The following ZSCAN25 variants were observed in gnomAD, a reference collection of about 807,000 sequenced individuals.
The protein encoded by ZSCAN25 is zinc finger and SCAN domain-containing protein 25.
Under a neutral mutation model 38.7 loss-of-function variants are expected in ZSCAN25, and 27 were observed. That is an observed-to-expected ratio of 0.70 (90% confidence interval 0.51 to 0.96). ZSCAN25 has a LOEUF of 0.96. Among genes scored for constraint, ZSCAN25 ranks in the 40% least tolerant of loss-of-function variants. The pLI, the probability that ZSCAN25 is intolerant of heterozygous loss-of-function variation, is 0.00. For synonymous variants in ZSCAN25, 273 were observed against 277.7 expected (o/e 0.98, Z 0.17); for missense variants, 637 against 705.9 (o/e 0.90, Z 1.11).
the ZSCAN25 span, chr7:99,647,413 A>G: frequency 2.4e-6 from 2 of 835,430 alleles, no homozygotes; most frequent in Non-Finnish European, 2.9e-6. Flanking sequence ...AAGGAAAATG[A>G]ATAGTGCTTT....
rs1364501319 is a variant in ZSCAN25, at chr7:99,621,483, C to T, written c.498C>T (p.Pro166=). 2 of 1,579,130 alleles carry T rather than the reference C, an allele frequency of 1.3e-6. No individual in the cohort carries two copies. The highest frequency in any genetic ancestry group is 3.5e-5 in the Admixed American group (2 of 57,582). Residue 166 remains proline, a synonymous_variant, in exon 5 of 8, where the codon CCC becomes CCT. Coordinates refer to ENST00000394152, the MANE Select transcript of ZSCAN25 (RefSeq NM_145115.3). ...AGGTCAAGCCTGAATGGGGGATGCC[C>T]CCTGGGGAAGGAGTTCAAGGTCCAG... ...PVEVKPEWGM[P]PGEGVQGPDP... is the part of the protein sequence containing the mutation.
the ZSCAN25 span, among the ~76,000 whole-genome samples, chr7:99,657,383 T>G: frequency 2.0e-5 from 3 of 152,218 alleles, no homozygotes; most frequent in African/African-American, 7.2e-5. Flanking sequence ...TTCCATGTAG[T>G]TGAGCGGTTT....
the ZSCAN25 span, chr7:99,672,865 C>T: frequency 2.9e-6 from 4 of 1,401,160 alleles, no homozygotes; most frequent in South Asian, 3.2e-5. Context: ...ACAGGAGCCA[C>T]CCAAGGCTTC....
the ZSCAN25 span, chr7:99,717,711 A>T: frequency 6.4e-7 from 1 of 1,553,158 alleles, no homozygotes; most frequent in Non-Finnish European, 8.8e-7. Context: ...AAAATGTGTT[A>T]AACAGGCATC....
At chr7:99,633,873 A>G (rs1381663229), downstream of ZSCAN25, among the ~76,000 whole-genome samples, 1 of 152,198 alleles carries the variant, frequency 6.6e-6, no homozygotes, top group African/African-American at 2.4e-5. Flanking sequence ...ATTCTCATTG[A>G]CAGCTTCTTT....
chr7:99,726,454 A>G, the ZSCAN25 span, among the ~76,000 whole-genome samples: 1 of 151,970 alleles, frequency 6.6e-6, no homozygotes, highest in Non-Finnish European at 1.5e-5. Flanking sequence ...GTGGTGCCCA[A>G]CCCGTACACT....
chr7:99,733,395 G>C, the ZSCAN25 span, among the ~76,000 whole-genome samples: 3 of 152,158 alleles, frequency 2.0e-5, no homozygotes, highest in African/African-American at 7.2e-5. Context: ...GCTCCCCTCT[G>C]TTTGGTAGAG....
rs781328817 is a variant in ZSCAN25, at chr7:99,621,408, A to G, written c.423A>G (p.Thr141=). The change falls in exon 5 of 8, where the codon ACA becomes ACG. Residue 141 remains threonine (T), a synonymous_variant. Coordinates refer to ENST00000394152, the MANE Select transcript of ZSCAN25 (RefSeq NM_145115.3). ...ACAGGCAGGGAGAGCAGGAGGAAACAGCACTTTGCAGAGGCGCTTGGGAGC... is the reference window on the plus strand; with the variant it reads ...ACAGGCAGGGAGAGCAGGAGGAAACGGCACTTTGCAGAGGCGCTTGGGAGC... The part of the protein sequence containing the change: ...PCHRQGEQEE[T]ALCRGAWEPG... The G allele has an allele frequency of 7.4e-6, 11 of 1,495,276 alleles. No homozygotes were observed. Among genetic ancestry groups the G allele is most frequent in the South Asian group, 1.4e-5 (1 of 74,060 alleles). The allele number at this position is 1,495,276 out of a possible 1,614,324, so 92.6% of individuals were successfully genotyped here. A position where few individuals can be genotyped will look rare whatever the true frequency, so the allele number is the denominator to read the frequency against.
the ZSCAN25 span, chr7:99,660,323 G>C: frequency 3.0e-4 from 360 of 1,200,576 alleles, 2 homozygotes; most frequent in East Asian, 0.014. Context: ...GCTTCTGCCA[G>C]TAGCAACCGT....
At chr7:99,710,930 C>G in the ZSCAN25 span, 1 of 1,612,932 alleles carries the variant, frequency 6.2e-7, no homozygotes, top group Non-Finnish European at 8.5e-7. Flanking sequence ...TAAATCAGGT[C>G]AATGTAGGGC....
At chr7:99,719,959 T>C in the ZSCAN25 span, among the ~76,000 whole-genome samples, 6 of 152,178 alleles carry the variant, frequency 3.9e-5, no homozygotes, top group African/African-American at 4.8e-5. Context: ...ACCACACCAC[T>C]GTACTCCCAT....
chr7:99,712,788 T>C, the ZSCAN25 span, among the ~76,000 whole-genome samples: 1 of 152,206 alleles, frequency 6.6e-6, no homozygotes, highest in East Asian at 1.9e-4. Flanking sequence ...TTGCCAAATC[T>C]TGGTGGCTTG....
chr7:99,625,342 C>T (rs1454544729), intron 7 of ZSCAN25, among the ~76,000 whole-genome samples: 2 of 152,156 alleles, frequency 1.3e-5, no homozygotes, highest in African/African-American at 4.8e-5. Context: ...ATTTATTCAC[C>T]ACAGAGGTGG....
chr7:99,632,986 G>GTTGTTTTTTTTTTTTTTTTTTT (rs1808108383), downstream of ZSCAN25, among the ~76,000 whole-genome samples: 63 of 141,514 alleles, frequency 4.5e-4, no homozygotes, highest in African/African-American at 1.5e-3. Flanking sequence ...TGCATTTTCT[G>GTTGTTTTTTTTTTTTTTTTTTT]TTGTTTTTTT....
At chr7:99,672,001 T>G in the ZSCAN25 span, 1 of 593,530 alleles carries the variant, frequency 1.7e-6, no homozygotes. Context: ...TCCTGTACTA[T>G]AGTATTAGGT....
Position 99,619,889 on chromosome 7 carries a change from C to A in ZSCAN25, c.283C>A (p.Pro95Thr), listed in dbSNP as rs1469848910. Reference sequence around the variant, plus strand: ...GCTGGAGCAGTTCCTCACTATCCTGCCCCGCGAGTTCTACGCCTGGATCCG... The same window carrying A: ...GCTGGAGCAGTTCCTCACTATCCTGACCCGCGAGTTCTACGCCTGGATCCG... ...LVLEQFLTIL[P>T]REFYAWIREH... is the part of the protein sequence containing the mutation. Residue 95 changes from proline to threonine, a missense_variant, in exon 4 of 8, where the codon CCC becomes ACC. By Grantham distance (38) the Pro-to-Thr change is conservative. Transcript: ENST00000394152. The A allele has an allele frequency of 6.2e-6, 10 of 1,614,116 alleles. No individual in the cohort carries two copies. The highest frequency in any genetic ancestry group is 2.7e-5 in the African/African-American group (2 of 74,946).
the ZSCAN25 span, among the ~76,000 whole-genome samples, chr7:99,680,306 C>T: frequency 1.3e-5 from 2 of 152,254 alleles, no homozygotes; most frequent in Non-Finnish European, 2.9e-5. Context: ...TCTTTACCCA[C>T]GAAATTCCCT....
chr7:99,690,677 C>G, the ZSCAN25 span, among the ~76,000 whole-genome samples: 1 of 152,034 alleles, frequency 6.6e-6, no homozygotes, highest in South Asian at 2.1e-4. Flanking sequence ...ATGCACCCAA[C>G]AGACACATGA....
At chr7:99,707,958 T>C in the ZSCAN25 span, 1 of 1,613,916 alleles carries the variant, frequency 6.2e-7, no homozygotes, top group Non-Finnish European at 8.5e-7. Context: ...ATGTTGTCCT[T>C]GTTCTTTTTA....
Sources: allele counts gnomAD v4.1 joint callset (sites outside exome capture counted in the v4.1 genomes callset), GRCh38; gene constraint gnomAD v4.1.1; transcripts MANE v1.5; gene names NCBI Gene and HGNC (gene_info 2026-07-23, HGNC 2026-07-21).